The following PHF21A variants were observed in gnomAD, a reference collection of about 807,000 sequenced individuals.
PHF21A encodes PHD finger protein 21A.
In PHF21A, 11 loss-of-function variants were observed where a neutral mutation model predicts 82.5. That is an observed-to-expected ratio of 0.13 (90% CI 0.08 to 0.22). The LOEUF is 0.22. Ranked by LOEUF, PHF21A falls within the 10% of genes least tolerant of loss-of-function variation. The pLI, the probability that PHF21A is intolerant of heterozygous loss-of-function variation, is 1.00. For synonymous variants in PHF21A, 297 were observed against 302.8 expected (o/e 0.98, Z 0.20); for missense variants, 579 against 837.8 (o/e 0.69, Z 3.81).
At chr11:46,038,682 T>G (rs2096065714) in intron 6 of PHF21A, among the ~76,000 whole-genome samples, 1 of 152,148 alleles carries the variant, frequency 6.6e-6, no homozygotes, top group South Asian at 2.1e-4. Flanking sequence ...CTCTGCAAAG[T>G]CCCAAGGCAG....
intron 6 of PHF21A, 78 bp from the exon 7 acceptor site, chr11:45,980,044 C>G (rs2094212788): frequency 7.5e-6 from 12 of 1,590,908 alleles, no homozygotes; most frequent in Admixed American, 3.5e-5. Flanking sequence ...GCTCTGACAT[C>G]TTTTCTATAA....
chr11:45,950,673 A>C (rs1345202709), intron 11 of PHF21A, among the ~76,000 whole-genome samples: 1 of 152,166 alleles, frequency 6.6e-6, no homozygotes, highest in East Asian at 1.9e-4. Context: ...AAAGAGAAGG[A>C]CTGGGGTCTA....
At chr11:46,091,328 T>A (rs2096922601) in intron 2 of PHF21A, among the ~76,000 whole-genome samples, 1 of 152,198 alleles carries the variant, frequency 6.6e-6, no homozygotes, top group African/African-American at 2.4e-5. Flanking sequence ...ATACACACTC[T>A]CCTAATAAAG....
intron 6 of PHF21A, among the ~76,000 whole-genome samples, chr11:46,060,729 G>C (rs2096525419): frequency 6.6e-6 from 1 of 152,192 alleles, no homozygotes; most frequent in Admixed American, 6.5e-5. Flanking sequence ...ACCTTTGTCA[G>C]ATGCACAGTT....
At chr11:45,969,274 T>C (rs935670650) in intron 9 of PHF21A, among the ~76,000 whole-genome samples, 6 of 152,182 alleles carry the variant, frequency 3.9e-5, no homozygotes, top group Admixed American at 3.3e-4. Flanking sequence ...GGAAGAACAC[T>C]CTCAGGAGAG....
intron 3 of PHF21A, among the ~76,000 whole-genome samples, chr11:46,088,300 A>T (rs934588898): frequency 1.3e-5 from 2 of 152,170 alleles, no homozygotes; most frequent in Admixed American, 6.5e-5. Context: ...CAGCTCTACA[A>T]GTCACTATCA....
chr11:46,001,341 C>T (rs898546208), intron 6 of PHF21A, among the ~76,000 whole-genome samples: 1 of 150,132 alleles, frequency 6.7e-6, no homozygotes, highest in African/African-American at 2.5e-5. Flanking sequence ...ATTGACAGCA[C>T]ACTAGATATC....
intron 6 of PHF21A, among the ~76,000 whole-genome samples, chr11:46,033,413 C>T (rs1305435758): frequency 6.6e-6 from 1 of 152,038 alleles, no homozygotes. Flanking sequence ...CACAGGTGTG[C>T]ACCACCACAT....
chr11:45,983,895 C>T (rs1045365377), intron 6 of PHF21A, among the ~76,000 whole-genome samples: 2 of 152,150 alleles, frequency 1.3e-5, no homozygotes, highest in Non-Finnish European at 2.9e-5. Flanking sequence ...TAAAGGATAT[C>T]CTCTCATCTC....
intron 9 of PHF21A, among the ~76,000 whole-genome samples, chr11:45,968,048 A>G (rs1168635911): frequency 6.6e-6 from 1 of 152,196 alleles, no homozygotes; most frequent in Non-Finnish European, 1.5e-5. Flanking sequence ...CCCTAAAAAG[A>G]GTAATACCTA....
Position 45,931,575 on chromosome 11 carries a change from C to T in PHF21A, c.*2393G>A, listed in dbSNP as rs929159653. On this transcript the variant is annotated 3_prime_UTR_variant, in exon 19 of 19. Coordinates refer to ENST00000676320, the MANE Select transcript of PHF21A (RefSeq NM_001352027.3). Reference sequence around the variant, plus strand: ...GGCGATGGCTGATAGAGATGAGACACATTTTACTCTAAGAAGTGTCTCTTC... The same window carrying T: ...GGCGATGGCTGATAGAGATGAGACATATTTTACTCTAAGAAGTGTCTCTTC... 2 of 152,258 alleles carry T rather than the reference C, an allele frequency of 1.3e-5. No homozygotes were observed. Among genetic ancestry groups the T allele is most frequent in the South Asian group, 2.1e-4 (1 of 4,832 alleles). 9.4% of individuals were successfully genotyped at this position (152,258 alleles called of 1,614,324 possible). A position where few individuals can be genotyped will look rare whatever the true frequency, so the allele number is the denominator to read the frequency against.
intron 6 of PHF21A, among the ~76,000 whole-genome samples, chr11:46,065,724 TTTTC>T (rs1279790815): frequency 7.2e-5 from 11 of 152,344 alleles, no homozygotes; most frequent in African/African-American, 2.6e-4. Context: ...AATTTACTCC[TTTTC>T]TTTAACAAAA....
chr11:45,960,503 C>T (rs2093007033), intron 10 of PHF21A, among the ~76,000 whole-genome samples: 1 of 152,110 alleles, frequency 6.6e-6, no homozygotes, highest in Admixed American at 6.5e-5. Flanking sequence ...TCTATGGAGA[C>T]AGAAAGCAGA....
At position 46,079,125 on chromosome 11, in the gene PHF21A, T is replaced by C; in HGVS notation, c.87+9A>G. On this transcript the variant is annotated intron_variant, in intron 5 of 18. Coordinates refer to ENST00000676320, the MANE Select transcript of PHF21A (RefSeq NM_001352027.3). ...TTAACAATTAAATGAATAACAATAG[T>C]AGTTTTACCTGTGGATCCTGCTTCA... The C allele has an allele frequency of 2.6e-6, 4 of 1,522,358 alleles. No homozygotes were observed. The highest frequency in any genetic ancestry group is 3.6e-6 in the Non-Finnish European group (4 of 1,108,364). 94.3% of individuals were successfully genotyped at this position (1,522,358 alleles called of 1,614,324 possible).
intron 6 of PHF21A, among the ~76,000 whole-genome samples, chr11:46,058,292 T>C (rs1162059889): frequency 1.3e-5 from 2 of 152,226 alleles, no homozygotes; most frequent in African/African-American, 4.8e-5. Context: ...GGAAACATTA[T>C]AGATGTTTCC....
chr11:45,978,528 G>A (rs1381605156), intron 7 of PHF21A, among the ~76,000 whole-genome samples: 1 of 152,146 alleles, frequency 6.6e-6, no homozygotes, highest in Non-Finnish European at 1.5e-5. Context: ...TCCATAAACA[G>A]TGAACAGCCA....
chr11:45,981,940 CTTTTTTTTTTT>C (rs754937092), intron 6 of PHF21A, among the ~76,000 whole-genome samples: 1 of 78,268 alleles, frequency 1.3e-5, no homozygotes, highest in African/African-American at 4.9e-5. Context: ...TTTTGTTTTT[CTTTTTTTTTTT>C]TTTTTTTTTT....
intron 6 of PHF21A, among the ~76,000 whole-genome samples, chr11:46,074,121 CAA>C (rs774252435): frequency 5.3e-5 from 6 of 113,800 alleles, no homozygotes; most frequent in Admixed American, 8.9e-5. Flanking sequence ...TTGTCAGATG[CAA>C]AAAAAAAAAA....
chr11:45,992,498 C>T (rs2094745207), intron 6 of PHF21A, among the ~76,000 whole-genome samples: 1 of 152,212 alleles, frequency 6.6e-6, no homozygotes, highest in African/African-American at 2.4e-5. Context: ...TGAGATCGCG[C>T]CACTGCACTC....
Sources: gnomAD v4.1 joint callset for allele counts (sites outside exome capture counted in the v4.1 genomes callset) on GRCh38, gnomAD v4.1.1 for gene constraint, MANE v1.5 for transcripts, NCBI Gene and HGNC (gene_info 2026-07-23, HGNC 2026-07-21) for gene names.